Variants in PCDHGA5 observed in about 807,000 individuals in gnomAD.
PCDHGA5 encodes protocadherin gamma-A5.
Under a neutral mutation model 56.7 loss-of-function variants are expected in PCDHGA5, and 36 were observed. That is an observed-to-expected ratio of 0.64 (90% CI 0.49 to 0.84). The LOEUF is 0.84. PCDHGA5 is among the 40% of genes least tolerant of loss of function. The pLI is 0.00. For missense variants in PCDHGA5, 1,305 were observed against 1,201.5 expected, an observed-to-expected ratio of 1.09 and a Z score of -1.27; for synonymous variants, 563 against 520.2, an observed-to-expected ratio of 1.08 and a Z score of -1.12.
intron 1 of PCDHGA5, chr5:141,391,507 T>C (rs2092381186): frequency 6.6e-6 from 1 of 152,172 alleles, no homozygotes; most frequent in Non-Finnish European, 1.5e-5. Context: ...AGAAAATATT[T>C]TCTTTCACTA....
At chr5:141,395,131 C>G in intron 1 of PCDHGA5, 1 of 1,614,202 alleles carries the variant, frequency 6.2e-7, no homozygotes, top group Non-Finnish European at 8.5e-7. Flanking sequence ...TTTCCCCAGC[C>G]CAACTACGCA....
At chr5:141,419,797 A>G (rs371201079) in intron 1 of PCDHGA5, 14 of 1,613,920 alleles carry the variant, frequency 8.7e-6, no homozygotes, top group Non-Finnish European at 1.1e-5. Flanking sequence ...TAGTCGCTGT[A>G]AGAGATGGAG....
chr5:141,481,900 C>T (rs949418188), intron 1 of PCDHGA5, among the ~76,000 whole-genome samples: 13 of 126,002 alleles, frequency 1.0e-4, no homozygotes, highest in African/African-American at 3.2e-4. Flanking sequence ...GGTGAAAGAG[C>T]GAAACTCCAT....
chr5:141,375,444 A>C, intron 1 of PCDHGA5: 4 of 1,613,844 alleles, frequency 2.5e-6, no homozygotes, highest in Non-Finnish European at 3.4e-6. Context: ...ACCTTCCCCC[A>C]TTCATCCTAC....
intron 2 of PCDHGA5, among the ~76,000 whole-genome samples, chr5:141,498,971 G>GGGAAGGAA (rs201769957): frequency 0.022 from 2,449 of 111,032 alleles, 52 homozygotes; most frequent in African/African-American, 0.046. Flanking sequence ...GAGGGAGGGA[G>GGGAAGGAA]GGAAGGAAGG....
At position 141,381,826 on chromosome 5, in the gene PCDHGA5, C is replaced by CTTTTTTT. The variant is rs770630741; in HGVS notation, c.2421+15091_2421+15097dup. Among the ~76,000 whole-genome samples the CTTTTTTT allele has an allele frequency of 1.4e-3, 102 of 74,248 alleles. 2 individuals are homozygous for CTTTTTTT. The highest frequency in any genetic ancestry group is 1.7e-3 in the Non-Finnish European group (71 of 42,360). The allele number at this position is 74,248 out of a possible 152,430, so 48.7% of individuals were successfully genotyped here. ...TTTCTTTCTTTCTTTCTTTCTTCTT[C>CTTTTTTT]TTTTTTTTTTTTTTTTTTTTTTGGC... On this transcript the variant is annotated intron_variant, in intron 1 of 3. Transcript: ENST00000518069.
At chr5:141,399,473 A>G (rs2093815825) in intron 1 of PCDHGA5, 2 of 1,613,996 alleles carry the variant, frequency 1.2e-6, no homozygotes, top group Non-Finnish European at 1.7e-6. Context: ...CCGGTTTTCC[A>G]CCAGGCGTCC....
At position 141,485,532 on chromosome 5, in the gene PCDHGA5, A is replaced by C. The variant is rs1360942348; in HGVS notation, c.2422-9275A>C. 6.2e-7 allele frequency: 1 copy of C among 1,614,108 alleles called. No individual in the cohort carries two copies. The highest frequency in any genetic ancestry group is 1.7e-5 in the Admixed American group (1 of 60,000). ...GGTCCTTTGGAAATGTACCGAGCAG[A>C]GGTAGAGATCGTAGATGTGAATGAT... On this transcript the variant is annotated intron_variant, in intron 1 of 3. Transcript: ENST00000518069. This position sits in a 1 kb window ranked among gnomAD's most constrained non-coding sequence, Gnocchi z 5.7.
Position 141,476,013 on chromosome 5 carries a change from G to A in PCDHGA5, c.2422-18794G>A. ...AAATCAACGGCATCCAGAAAGCCAT[G>A]TCGGACTCGGCGCCCAGCGCCCAAG... On this transcript the variant is annotated intron_variant, in intron 1 of 3. Coordinates refer to ENST00000518069, the MANE Select transcript of PCDHGA5 (RefSeq NM_018918.3). The surrounding 1 kb of genome is among the most constrained non-coding windows in gnomAD (Gnocchi z 7.6). The A allele has an allele frequency of 7.5e-7, 1 of 1,334,720 alleles. No individual in the cohort carries two copies. The highest frequency in any genetic ancestry group is 1.0e-6 in the Non-Finnish European group (1 of 983,502). 82.7% of individuals were successfully genotyped at this position (1,334,720 alleles called of 1,614,324 possible). A position where few individuals can be genotyped will look rare whatever the true frequency, so the allele number is the denominator to read the frequency against.
chr5:141,498,940 A>G (rs527366029), intron 2 of PCDHGA5, among the ~76,000 whole-genome samples: 57 of 140,142 alleles, frequency 4.1e-4, no homozygotes, highest in Non-Finnish European at 7.3e-4. Flanking sequence ...CAGGAAAGAA[A>G]GAAAGAAAAA....
At chr5:141,405,555 G>C in intron 1 of PCDHGA5, 1 of 620,228 alleles carries the variant, frequency 1.6e-6, no homozygotes, top group Non-Finnish European at 2.8e-6. Context: ...AAGTAGAGTA[G>C]CTGGGACTAG....
At chr5:141,383,989 A>G in intron 1 of PCDHGA5, 1 of 1,613,876 alleles carries the variant, frequency 6.2e-7, no homozygotes, top group Non-Finnish European at 8.5e-7. Context: ...ACCTCTTGGG[A>G]CAGTCATTGC....
At chr5:141,502,406 T>G (rs1390520101) in intron 2 of PCDHGA5, among the ~76,000 whole-genome samples, 1 of 152,072 alleles carries the variant, frequency 6.6e-6, no homozygotes, top group African/African-American at 2.4e-5. Context: ...TCCCCGAACC[T>G]GGATTTGCTG....
chr5:141,477,169 G>A lies in PCDHGA5; in HGVS notation c.2422-17638G>A. 6.2e-7 allele frequency: 1 copy of A among 1,614,198 alleles called. No individual in the cohort carries two copies. The highest frequency in any genetic ancestry group is 8.5e-7 in the Non-Finnish European group (1 of 1,180,042). The stretch of plus-strand genomic sequence containing the variant: ...TGGATGTGAATGACAACGCCCCGGA[G>A]ATCACAGTCACCTCCGTGTACAGCC... On this transcript the variant is annotated intron_variant, in intron 1 of 3. Transcript: ENST00000518069. The surrounding 1 kb of genome is among the most constrained non-coding windows in gnomAD (Gnocchi z 4.9).
At position 141,390,867 on chromosome 5, in the gene PCDHGA5, CGTGT is replaced by C. The variant is rs61319619; in HGVS notation, c.2421+24134_2421+24137del. The C allele has an allele frequency of 5.1e-4, 77 of 151,148 alleles. No homozygotes were observed. The East Asian group carries it at 6.0e-3, about 12-fold the overall frequency. 9.4% of individuals were successfully genotyped at this position (151,148 alleles called of 1,614,324 possible). A position where few individuals can be genotyped will look rare whatever the true frequency, so the allele number is the denominator to read the frequency against. On this transcript the variant is annotated intron_variant, in intron 1 of 3. Coordinates refer to ENST00000518069, the MANE Select transcript of PCDHGA5 (RefSeq NM_018918.3). ...TTATATGCAGTGTACGCTGTGTGTG[CGTGT>C]GTGTGTGTGTGTGTGTGAGAGAGAT...
At chr5:141,463,955 A>G (rs2154568299) in intron 1 of PCDHGA5, among the ~76,000 whole-genome samples, 1 of 152,288 alleles carries the variant, frequency 6.6e-6, no homozygotes, top group Middle Eastern at 3.4e-3. Flanking sequence ...CTTCATTTTT[A>G]AAATAGCTTC....
chr5:141,500,189 TTTA>T (rs780229863), intron 2 of PCDHGA5, among the ~76,000 whole-genome samples: 5,656 of 110,928 alleles, frequency 0.051, 122 homozygotes, highest in Middle Eastern at 0.14. Context: ...TTTATTTTTA[TTTA>T]TTTATTTATT....
At chr5:141,455,375 G>A (rs1247820974) in intron 1 of PCDHGA5, among the ~76,000 whole-genome samples, 1 of 152,132 alleles carries the variant, frequency 6.6e-6, no homozygotes, top group Non-Finnish European at 1.5e-5. Context: ...GAAGGGAGAA[G>A]ACAGAAGGAA....
At position 141,365,281 on chromosome 5, in the gene PCDHGA5, G is replaced by T. The variant is rs752099096; in HGVS notation, c.951G>T (p.Met317Ile). The stretch of plus-strand genomic sequence containing the variant: ...ATGAAGAATCCAGATTCTACCTCAT[G>T]GAAGTGGTAGCTCAGGATGGAGGCG... ...LDYEESRFYL[M>I]EVVAQDGGAL... The change falls in exon 1 of 4, where the codon ATG becomes ATT. Residue 317 changes from methionine to isoleucine, a missense_variant. Coordinates refer to ENST00000518069, the MANE Select transcript of PCDHGA5 (RefSeq NM_018918.3). 5 of 1,614,000 alleles carry T rather than the reference G, an allele frequency of 3.1e-6. No homozygotes were observed. The Admixed American group carries it at 8.3e-5, about 27-fold the overall frequency.
Sources: gnomAD v4.1 joint callset for allele counts (sites outside exome capture counted in the v4.1 genomes callset) on GRCh38, gnomAD v4.1.1 for gene constraint, Gnocchi (gnomAD v3.1) non-coding constraint, MANE v1.5 for transcripts, NCBI Gene and HGNC (gene_info 2026-07-23, HGNC 2026-07-21) for gene names.